Variants in SEMA3A observed in about 807,000 individuals in gnomAD.
SEMA3A encodes semaphorin 3A.
In SEMA3A, 29 loss-of-function variants were observed where a neutral mutation model predicts 97.9. The ratio of observed to expected loss-of-function variants is 0.30; its 90% CI spans 0.22 to 0.40. SEMA3A has a LOEUF of 0.40. Among genes scored for constraint, SEMA3A ranks in the 10% least tolerant of loss-of-function variants. The pLI, the probability that SEMA3A is intolerant of heterozygous loss-of-function variation, is 1.00. For synonymous variants in SEMA3A, 321 were observed against 323.7 expected, an observed-to-expected ratio of 0.99 and a Z score of 0.09; for missense variants, 763 against 951.3, an observed-to-expected ratio of 0.80 and a Z score of 2.60.
chr7:84,113,473 T>G (rs1020125034), intron 3 of SEMA3A, among the ~76,000 whole-genome samples: 4 of 152,184 alleles, frequency 2.6e-5, no homozygotes, highest in African/African-American at 7.2e-5. Context: ...TTCACACATT[T>G]CTGCTCTAGG....
intron 3 of SEMA3A, among the ~76,000 whole-genome samples, chr7:84,274,021 TA>T (rs1800222873): frequency 6.6e-6 from 1 of 152,064 alleles, no homozygotes; most frequent in African/African-American, 2.4e-5. Flanking sequence ...TACATCTATA[TA>T]AGCTTTATTT....
chr7:84,211,916 A>G (rs1798637718), intron 3 of SEMA3A, among the ~76,000 whole-genome samples: 1 of 152,220 alleles, frequency 6.6e-6, no homozygotes, highest in African/African-American at 2.4e-5. Flanking sequence ...TGTGGTGAGG[A>G]ACAGGTAAAA....
chr7:84,357,751 A>G (rs542198099), intron 2 of SEMA3A, among the ~76,000 whole-genome samples: 50 of 151,754 alleles, frequency 3.3e-4, no homozygotes, highest in African/African-American at 1.2e-3. Flanking sequence ...CAGTCCCACC[A>G]ACAGTGTAAA....
intron 4 of SEMA3A, among the ~76,000 whole-genome samples, chr7:84,086,848 A>C (rs1447474176): frequency 6.6e-6 from 1 of 151,286 alleles, no homozygotes. Context: ...TTCTTTACCC[A>C]ATTACTTCAT....
At chr7:84,306,468 T>C (rs1310535451) in intron 3 of SEMA3A, 3 of 152,156 alleles carry the variant, frequency 2.0e-5, no homozygotes, top group Non-Finnish European at 4.4e-5. Context: ...CCATACAATA[T>C]AGATCTTCAA....
intron 3 of SEMA3A, among the ~76,000 whole-genome samples, chr7:84,280,155 C>T (rs1562884394): frequency 6.6e-6 from 1 of 152,162 alleles, no homozygotes; most frequent in African/African-American, 2.4e-5. Context: ...CCCTGGCCTT[C>T]CAAAGTCCTG....
intron 15 of SEMA3A, 77 bp from the exon 16 acceptor site, chr7:83,963,424 T>C: frequency 6.8e-7 from 1 of 1,472,004 alleles, no homozygotes; most frequent in Non-Finnish European, 9.3e-7. Flanking sequence ...TATTTGGAAA[T>C]TCAGGAGACA....
chr7:84,171,006 C>G (rs1022251684), intron 1 of SEMA3A, among the ~76,000 whole-genome samples: 1 of 151,926 alleles, frequency 6.6e-6, no homozygotes, highest in Non-Finnish European at 1.5e-5. Context: ...CTCAATTTTG[C>G]TCATTGAGTT....
At chr7:84,196,046 T>A (rs1798220218), upstream of SEMA3A, among the ~76,000 whole-genome samples, 1 of 152,102 alleles carries the variant, frequency 6.6e-6, no homozygotes, top group Non-Finnish European at 1.5e-5. Flanking sequence ...CTTTAGGGGA[T>A]GTATAAAAAA....
In SEMA3A at chr7:84,211,621, TA is replaced by T. The variant is rs199994006; in HGVS notation, c.-82-16954del. ...TGGGCAACAAGAATGAAACTCCATC[TA>T]AAAAAAAAAAAATTATCATAATTCC... On this transcript the variant is annotated intron_variant, in intron 3 of 3. Transcript: ENST00000424555. Among the ~76,000 whole-genome samples the T allele has an allele frequency of 3.1e-3, 444 of 143,984 alleles. 2 individuals carry two copies. Among genetic ancestry groups the T allele is most frequent in the African/African-American group, 6.8e-3 (266 of 39,352 alleles). The allele number at this position is 143,984 out of a possible 152,430, so 94.5% of individuals were successfully genotyped here.
intron 1 of SEMA3A, among the ~76,000 whole-genome samples, chr7:84,469,092 G>A (rs756592838): frequency 2.6e-5 from 4 of 152,080 alleles, no homozygotes; most frequent in South Asian, 2.1e-4. Flanking sequence ...AGCATGCCAC[G>A]TGTTTTAAAA....
intron 2 of SEMA3A, among the ~76,000 whole-genome samples, chr7:84,368,816 A>G (rs904481739): frequency 4.0e-5 from 6 of 151,016 alleles, no homozygotes; most frequent in African/African-American, 1.5e-4. Context: ...TTCACTATAT[A>G]TATCTAGCAT....
chr7:84,488,315 TATAC>T (rs71078834), intron 1 of SEMA3A, among the ~76,000 whole-genome samples: 219 of 94,278 alleles, frequency 2.3e-3, no homozygotes, highest in African/African-American at 8.5e-3. Context: ...TTTCTTCGTA[TATAC>T]ACACACACAC....
intron 1 of SEMA3A, among the ~76,000 whole-genome samples, chr7:84,393,609 T>C (rs1275752059): frequency 6.6e-6 from 1 of 152,150 alleles, no homozygotes; most frequent in Admixed American, 6.6e-5. Flanking sequence ...TCCATGATTG[T>C]ATTAGTTGTG....
intron 3 of SEMA3A, among the ~76,000 whole-genome samples, chr7:84,213,138 C>T (rs912321646): frequency 7.9e-5 from 12 of 152,020 alleles, no homozygotes; most frequent in African/African-American, 1.7e-4. Flanking sequence ...CCACCATGCC[C>T]GGCTAATGTT....
intron 3 of SEMA3A, among the ~76,000 whole-genome samples, chr7:84,279,372 C>T (rs570578187): frequency 6.6e-6 from 1 of 152,138 alleles, no homozygotes; most frequent in South Asian, 2.1e-4. Flanking sequence ...ACCCAAAATG[C>T]ATAAAGTAGA....
intron 5 of SEMA3A, among the ~76,000 whole-genome samples, chr7:84,059,333 A>G (rs1481928281): frequency 6.6e-6 from 1 of 152,188 alleles, no homozygotes; most frequent in Admixed American, 6.5e-5. Context: ...GAGATAATTC[A>G]TGCCACAATG....
At chr7:84,207,048 C>T (rs1798511400) in intron 3 of SEMA3A, among the ~76,000 whole-genome samples, 1 of 152,198 alleles carries the variant, frequency 6.6e-6, no homozygotes, top group Non-Finnish European at 1.5e-5. Context: ...TCTATACATA[C>T]AGGTGTTTGG....
At chr7:84,396,615 T>C (rs1217452481) in intron 1 of SEMA3A, among the ~76,000 whole-genome samples, 1 of 151,964 alleles carries the variant, frequency 6.6e-6, no homozygotes, top group Admixed American at 6.6e-5. Context: ...AAAATATTTG[T>C]TTTCAGGCAA....
Sources: gnomAD v4.1 joint callset for allele counts (sites outside exome capture counted in the v4.1 genomes callset) on GRCh38, gnomAD v4.1.1 for gene constraint, MANE v1.5 for transcripts, NCBI Gene and HGNC (gene_info 2026-07-23, HGNC 2026-07-21) for gene names.